Variants in MAOB observed in about 807,000 individuals in gnomAD.
MAOB encodes the protein monoamine oxidase B, also known as amine oxidase [flavin-containing] B.
A neutral mutation model predicts 41.9 loss-of-function variants in MAOB; 15 were observed. That is an observed-to-expected ratio of 0.36 (90% CI 0.24 to 0.55). MAOB has a LOEUF of 0.55. MAOB is among the 20% of genes least tolerant of loss of function. MAOB has a pLI of 0.86. For synonymous variants in MAOB, 167 were observed against 144.2 expected (o/e 1.16, Z -1.13); for missense variants, 345 against 398.7 (o/e 0.87, Z 1.15).
In MAOB at chrX:43,864,417, T is replaced by C. The variant is rs779159952; in HGVS notation, c.46+17837A>G. Among the ~76,000 whole-genome samples, 5 of 111,850 alleles carry C rather than the reference T, an allele frequency of 4.5e-5. No individual in the cohort carries two copies. The East Asian group carries it at 1.4e-3, about 31-fold the overall frequency. ...AAATGTTTTAGCTTCATTGGTCTTG[T>C]GAGACACATTTATGAATGTGTCTTA... On this transcript the variant is annotated intron_variant, in intron 1 of 14. Transcript: ENST00000378069.
intron 12 of MAOB, among the ~76,000 whole-genome samples, chrX:43,770,870 CTG>C (rs1373288080): frequency 8.9e-6 from 1 of 111,933 alleles, no homozygotes. Flanking sequence ...AGCACTTGGC[CTG>C]TAAGAGGGGC....
intron 1 of MAOB, among the ~76,000 whole-genome samples, chrX:43,847,370 C>G (rs761045218): frequency 2.2e-4 from 24 of 110,719 alleles, no homozygotes; most frequent in Non-Finnish European, 1.5e-4. Context: ...AATAAAATGC[C>G]CAGAGTAATA....
At chrX:43,838,783 A>G in intron 3 of MAOB, 85 bp downstream of exon 3, 1 of 925,494 alleles carries the variant, frequency 1.1e-6, no homozygotes, top group Middle Eastern at 2.9e-4. Flanking sequence ...GATATAGAAG[A>G]TTCTCTGAGA....
At chrX:43,870,854 G>T (rs774897370) in intron 1 of MAOB, among the ~76,000 whole-genome samples, 111 of 106,750 alleles carry the variant, frequency 1.0e-3, no homozygotes, top group African/African-American at 3.6e-3. Flanking sequence ...ACATGGGAAA[G>T]GTCATGCCCT....
At chrX:43,865,058 G>A (rs774174221) in intron 1 of MAOB, among the ~76,000 whole-genome samples, 26 of 111,915 alleles carry the variant, frequency 2.3e-4, no homozygotes, top group African/African-American at 7.8e-4. Context: ...GGTATATACC[G>A]AAGAGAAATA....
chrX:43,839,835 C>T (rs1046743151), intron 2 of MAOB, among the ~76,000 whole-genome samples: 2 of 111,923 alleles, frequency 1.8e-5, no homozygotes, highest in African/African-American at 6.5e-5. Flanking sequence ...AGCTTCTTTA[C>T]GTAAAAGGCA....
At chrX:43,809,203 A>G (rs1320769857) in intron 3 of MAOB, among the ~76,000 whole-genome samples, 1 of 111,973 alleles carries the variant, frequency 8.9e-6, no homozygotes, top group Non-Finnish European at 1.9e-5. Flanking sequence ...AATTATACGG[A>G]TTCTCATTCA....
intron 1 of MAOB, chrX:43,844,657 A>G (rs2035179948): frequency 8.9e-6 from 1 of 112,484 alleles, no homozygotes; most frequent in Admixed American, 9.4e-5. Flanking sequence ...TGCAGGGGCA[A>G]ACAGGTGAAA....
intron 12 of MAOB, 117 bp downstream of exon 12, chrX:43,775,058 T>G (rs961256653): frequency 2.9e-5 from 22 of 747,727 alleles, no homozygotes; most frequent in East Asian, 1.8e-4. Context: ...TTGGGTTGTT[T>G]TTTTTTTTTT....
At chrX:43,865,919 G>A (rs990584119) in intron 1 of MAOB, among the ~76,000 whole-genome samples, 4 of 110,395 alleles carry the variant, frequency 3.6e-5, no homozygotes, top group African/African-American at 1.3e-4. Context: ...GTCAGGGGTG[G>A]GAGGGAGGAG....
intron 3 of MAOB, among the ~76,000 whole-genome samples, chrX:43,817,404 A>T (rs2034828796): frequency 9.0e-6 from 1 of 110,960 alleles, no homozygotes; most frequent in South Asian, 3.9e-4. Context: ...CTAGAATCCA[A>T]TCACTTCTCA....
chrX:43,790,919 C>T (rs1025749800), intron 8 of MAOB, among the ~76,000 whole-genome samples: 10 of 111,751 alleles, frequency 8.9e-5, no homozygotes, highest in Non-Finnish European at 1.7e-4. Context: ...GTTACAGTTT[C>T]TCTCCATAAA....
intron 1 of MAOB, among the ~76,000 whole-genome samples, chrX:43,865,651 C>T (rs2035360156): frequency 1.8e-5 from 2 of 111,292 alleles, no homozygotes; most frequent in Non-Finnish European, 3.8e-5. Context: ...ATTACTTTTT[C>T]AAGTGATTCA....
intron 1 of MAOB, among the ~76,000 whole-genome samples, chrX:43,862,480 A>G (rs1274903536): frequency 1.8e-5 from 2 of 112,637 alleles, no homozygotes; most frequent in East Asian, 5.6e-4. Flanking sequence ...TGAGTTTTGA[A>G]TCCACTGAGT....
chrX:43,828,146 A>T (rs1250539032), intron 3 of MAOB, among the ~76,000 whole-genome samples: 1 of 112,072 alleles, frequency 8.9e-6, no homozygotes, highest in African/African-American at 3.2e-5. Flanking sequence ...AATTGCCAAA[A>T]CATCTACTCC....
chrX:43,820,833 A>T (rs2034871497), intron 3 of MAOB, among the ~76,000 whole-genome samples: 2 of 112,441 alleles, frequency 1.8e-5, no homozygotes, highest in Non-Finnish European at 3.8e-5. Context: ...ATAGATATTG[A>T]CTAATATCAT....
chrX:43,791,219 C>T (rs1047985725), intron 8 of MAOB, among the ~76,000 whole-genome samples: 6 of 111,522 alleles, frequency 5.4e-5, no homozygotes, highest in Admixed American at 1.9e-4. Context: ...TGTGATGCAG[C>T]GGAAAAAGAG....
intron 1 of MAOB, among the ~76,000 whole-genome samples, chrX:43,849,529 C>T (rs962736017): frequency 2.7e-5 from 3 of 112,691 alleles, no homozygotes; most frequent in Admixed American, 9.3e-5. Context: ...TTCATTCAGG[C>T]GAATGCAGCT....
At chrX:43,876,703 A>G (rs1249277199) in intron 1 of MAOB, among the ~76,000 whole-genome samples, 5 of 112,648 alleles carry the variant, frequency 4.4e-5, no homozygotes, top group Non-Finnish European at 1.9e-5. Flanking sequence ...ATATTAAAAT[A>G]ATTAGAGTTA....
Sources: gnomAD v4.1 joint callset for allele counts (sites outside exome capture counted in the v4.1 genomes callset) on GRCh38, gnomAD v4.1.1 for gene constraint, MANE v1.5 for transcripts, NCBI Gene and HGNC (gene_info 2026-07-23, HGNC 2026-07-21) for gene names.